The following PPP2R2B variants were observed in gnomAD, a reference collection of about 807,000 sequenced individuals.
The protein encoded by PPP2R2B is protein phosphatase 2 regulatory subunit Bbeta.
In PPP2R2B, 5 loss-of-function variants were observed where a neutral mutation model predicts 46.0. The observed-to-expected ratio is 0.11, with a 90% confidence interval of 0.06 to 0.23. PPP2R2B has a LOEUF of 0.23. Among genes scored for constraint, PPP2R2B ranks in the 10% least tolerant of loss-of-function variants. PPP2R2B has a pLI of 1.00. For missense variants in PPP2R2B, 367 were observed against 575.0 expected, an observed-to-expected ratio of 0.64 and a Z score of 3.70; for synonymous variants, 215 against 206.7, an observed-to-expected ratio of 1.04 and a Z score of -0.34.
intron 2 of PPP2R2B, among the ~76,000 whole-genome samples, chr5:146,781,165 TATATATATATAA>T (rs1755499916): frequency 9.0e-6 from 1 of 111,422 alleles, no homozygotes; most frequent in African/African-American, 3.4e-5. Flanking sequence ...TATATATATA[TATATATATATAA>T]AATTATTCTC....
At chr5:146,788,562 C>T (rs185085836) in intron 2 of PPP2R2B, among the ~76,000 whole-genome samples, 75 of 152,212 alleles carry the variant, frequency 4.9e-4, no homozygotes, top group African/African-American at 1.5e-3. Context: ...GAAACCCCGT[C>T]GCTACTGAAA....
chr5:146,915,178 T>C (rs145517533), intron 1 of PPP2R2B, among the ~76,000 whole-genome samples: 12 of 152,296 alleles, frequency 7.9e-5, no homozygotes, highest in Admixed American at 6.5e-4. Flanking sequence ...CTGGTTTTCT[T>C]ACATCTAATT....
At chr5:146,895,581 G>T (rs544266372) in intron 1 of PPP2R2B, among the ~76,000 whole-genome samples, 13 of 152,270 alleles carry the variant, frequency 8.5e-5, no homozygotes, top group South Asian at 8.3e-4. Flanking sequence ...ATGCATAGTA[G>T]GGTTCAGTAG....
At chr5:146,753,697 CA>C (rs891244292) in intron 2 of PPP2R2B, among the ~76,000 whole-genome samples, 2 of 152,040 alleles carry the variant, frequency 1.3e-5, no homozygotes, top group Non-Finnish European at 2.9e-5. Flanking sequence ...TTTTATGCAT[CA>C]ATAATACTTG....
chr5:146,909,122 G>A (rs1200928924), intron 1 of PPP2R2B, among the ~76,000 whole-genome samples: 1 of 152,190 alleles, frequency 6.6e-6, no homozygotes, highest in Non-Finnish European at 1.5e-5. Context: ...AAGTAGCAGG[G>A]TGAGTGACCT....
At chr5:146,834,477 A>T (rs536912412) in intron 2 of PPP2R2B, among the ~76,000 whole-genome samples, 1 of 152,352 alleles carries the variant, frequency 6.6e-6, no homozygotes, top group East Asian at 1.9e-4. Flanking sequence ...TAAATATTTC[A>T]CTTGTCTCAA....
At chr5:146,975,236 T>G (rs1192022286) in intron 1 of PPP2R2B, among the ~76,000 whole-genome samples, 1 of 152,192 alleles carries the variant, frequency 6.6e-6, no homozygotes, top group Non-Finnish European at 1.5e-5. Context: ...TCTTTATACC[T>G]CATATAAGTA....
chr5:146,857,807 C>A (rs1316652452), intron 2 of PPP2R2B, among the ~76,000 whole-genome samples: 1 of 152,070 alleles, frequency 6.6e-6, no homozygotes, highest in Non-Finnish European at 1.5e-5. Flanking sequence ...CCTGCCTCAG[C>A]CTCCCTAGTA....
At chr5:147,024,232 G>A (rs10070306) in intron 1 of PPP2R2B, among the ~76,000 whole-genome samples, 1 of 151,634 alleles carries the variant, frequency 6.6e-6, no homozygotes, top group Admixed American at 6.6e-5. Flanking sequence ...TCTGGAGAAC[G>A]CTAATACACT....
chr5:146,997,233 G>A (rs191732090), intron 1 of PPP2R2B, among the ~76,000 whole-genome samples: 43 of 152,266 alleles, frequency 2.8e-4, no homozygotes, highest in African/African-American at 9.6e-4. Context: ...CATGGAGATA[G>A]GTCTGAAAAA....
At chr5:146,898,453 C>T (rs1296852878) in intron 1 of PPP2R2B, among the ~76,000 whole-genome samples, 3 of 152,074 alleles carry the variant, frequency 2.0e-5, no homozygotes, top group Non-Finnish European at 4.4e-5. Flanking sequence ...CCCTTCCTTA[C>T]ACCTTATACA....
At chr5:146,979,333 A>G (rs997740456) in intron 1 of PPP2R2B, among the ~76,000 whole-genome samples, 2 of 152,018 alleles carry the variant, frequency 1.3e-5, no homozygotes. Flanking sequence ...CTTTTTCTCC[A>G]TAGAATTCAT....
At chr5:146,647,220 C>CTAAATAAATACATAAATA (rs6149282) in intron 6 of PPP2R2B, among the ~76,000 whole-genome samples, 1 of 151,050 alleles carries the variant, frequency 6.6e-6, no homozygotes, top group African/African-American at 2.4e-5. Context: ...TTGACGTTCA[C>CTAAATAAATACATAAATA]TATTGCTTAG....
intron 1 of PPP2R2B, among the ~76,000 whole-genome samples, chr5:146,962,517 C>T (rs1480527435): frequency 2.0e-5 from 3 of 151,676 alleles, no homozygotes; most frequent in South Asian, 4.2e-4. Context: ...AGTAGCTGGG[C>T]GTGGTGGCAC....
chr5:146,844,009 C>A (rs1759825983), intron 2 of PPP2R2B, among the ~76,000 whole-genome samples: 1 of 151,852 alleles, frequency 6.6e-6, no homozygotes, highest in African/African-American at 2.4e-5. Flanking sequence ...AGTTCTAGAT[C>A]CCTGAGGAAT....
chr5:146,989,348 A>C (rs1004336054), intron 1 of PPP2R2B, among the ~76,000 whole-genome samples: 3 of 152,136 alleles, frequency 2.0e-5, no homozygotes, highest in Non-Finnish European at 4.4e-5. Context: ...CAAAATCCTC[A>C]ACAAAATACT....
intron 1 of PPP2R2B, among the ~76,000 whole-genome samples, chr5:147,019,502 C>T (rs565640255): frequency 1.4e-4 from 21 of 152,264 alleles, no homozygotes; most frequent in African/African-American, 4.8e-4. Context: ...TTAGATTTCA[C>T]AATGACCTGA....
chr5:146,960,496 G>C (rs1157600204), intron 1 of PPP2R2B, among the ~76,000 whole-genome samples: 1 of 152,090 alleles, frequency 6.6e-6, no homozygotes, highest in Non-Finnish European at 1.5e-5. Flanking sequence ...CACCATGTTG[G>C]TCAGGCTGGT....
intron 2 of PPP2R2B, among the ~76,000 whole-genome samples, chr5:146,870,531 T>C (rs1460396911): frequency 9.2e-5 from 14 of 152,114 alleles, no homozygotes; most frequent in Non-Finnish European, 4.4e-5. Context: ...ACTTCCAGAC[T>C]CCAGAAATGT....
Sources: allele counts gnomAD v4.1 joint callset (sites outside exome capture counted in the v4.1 genomes callset), GRCh38; gene constraint gnomAD v4.1.1; transcripts MANE v1.5; gene names NCBI Gene and HGNC (gene_info 2026-07-23, HGNC 2026-07-21).